GPR39: variants seen among roughly 807,000 people sequenced by gnomAD.
The protein encoded by GPR39 is zinc sensing receptor.
A neutral mutation model predicts 18.4 loss-of-function variants in GPR39; 23 were observed. The observed-to-expected ratio is 1.25, with a 90% CI of 0.90 to 1.77. The LOEUF (loss-of-function observed/expected upper bound fraction) is 1.77, where lower values mean the gene tolerates loss of function less well. GPR39 is among the 40% of genes most tolerant of loss of function. The pLI is 0.00. For synonymous variants in GPR39, 280 were observed against 257.9 expected, an observed-to-expected ratio of 1.09 and a Z score of -0.82; for missense variants, 647 against 602.4, an observed-to-expected ratio of 1.07 and a Z score of -0.78.
intron 1 of GPR39, among the ~76,000 whole-genome samples, chr2:132,447,148 G>C (rs1400467238): frequency 6.6e-6 from 1 of 152,144 alleles, no homozygotes; most frequent in African/African-American, 2.4e-5. Flanking sequence ...CTGTACCTCG[G>C]TCTTCATCCC....
At chr2:132,572,180 G>T (rs906078648) in intron 1 of GPR39, among the ~76,000 whole-genome samples, 1 of 152,124 alleles carries the variant, frequency 6.6e-6, no homozygotes, top group African/African-American at 2.4e-5. Flanking sequence ...TTTCCGTAGG[G>T]GCAGGTGACC....
chr2:132,583,407 T>C (rs1573680861), intron 1 of GPR39, among the ~76,000 whole-genome samples: 1 of 141,708 alleles, frequency 7.1e-6, no homozygotes. Flanking sequence ...GTGCCAAAGC[T>C]GGGCACATTT....
At chr2:132,591,312 C>T (rs913521749) in intron 1 of GPR39, among the ~76,000 whole-genome samples, 4 of 150,746 alleles carry the variant, frequency 2.7e-5, no homozygotes, top group African/African-American at 9.8e-5. Flanking sequence ...AGGACTAGAC[C>T]AGCGGAGTCT....
At chr2:132,590,936 C>A (rs1248269182) in intron 1 of GPR39, among the ~76,000 whole-genome samples, 1 of 151,890 alleles carries the variant, frequency 6.6e-6, no homozygotes. Flanking sequence ...ATCTAATCAG[C>A]TGCCAGCACA....
At chr2:132,637,788 C>A (rs1166386175) in intron 1 of GPR39, among the ~76,000 whole-genome samples, 2 of 152,222 alleles carry the variant, frequency 1.3e-5, no homozygotes, top group African/African-American at 4.8e-5. Flanking sequence ...GCTCCCAATG[C>A]CTCTCTGCCT....
chr2:132,561,587 C>G (rs1226917518), intron 1 of GPR39, among the ~76,000 whole-genome samples: 1 of 87,414 alleles, frequency 1.1e-5, no homozygotes, highest in Non-Finnish European at 2.2e-5. Context: ...TACACACACA[C>G]ACACACACAC....
chr2:132,421,241 C>A (rs1680003440), intron 1 of GPR39, among the ~76,000 whole-genome samples: 1 of 152,182 alleles, frequency 6.6e-6, no homozygotes, highest in Non-Finnish European at 1.5e-5. Flanking sequence ...CAGATAGCAT[C>A]CAGGTCTGTG....
intron 1 of GPR39, among the ~76,000 whole-genome samples, chr2:132,575,394 C>T (rs1558845313): frequency 2.0e-5 from 3 of 152,224 alleles, no homozygotes; most frequent in African/African-American, 7.2e-5. Context: ...ATCCCTCACA[C>T]CTTCTACCTA....
chr2:132,586,044 A>G (rs1680724624), intron 1 of GPR39, among the ~76,000 whole-genome samples: 1 of 141,296 alleles, frequency 7.1e-6, no homozygotes, highest in African/African-American at 2.7e-5. Flanking sequence ...CGTCTGATTC[A>G]CGGCTGCTGC....
chr2:132,536,975 A>T (rs933019131), intron 1 of GPR39, among the ~76,000 whole-genome samples: 2 of 152,038 alleles, frequency 1.3e-5, no homozygotes, highest in African/African-American at 2.4e-5. Flanking sequence ...TGCATGTGAG[A>T]TGGGTCTCCT....
At position 132,645,092 on chromosome 2, in the gene GPR39, T is replaced by C. The variant is rs1382426118; in HGVS notation, c.857-9T>C. The C allele has an allele frequency of 1.2e-6, 2 of 1,603,152 alleles. No homozygotes were observed. Among genetic ancestry groups the C allele is most frequent in the South Asian group, 2.2e-5 (2 of 89,638 alleles). On this transcript the variant is annotated splice_polypyrimidine_tract_variant and intron_variant, in intron 1 of 1. Transcript: ENST00000329321. ...TCTCTGTCTCTCCCTCCTGCTCGTGTCTGCCCAGGGCTGATTGTTGTGACA... is the reference window on the plus strand; with the variant it reads ...TCTCTGTCTCTCCCTCCTGCTCGTGCCTGCCCAGGGCTGATTGTTGTGACA...
At chr2:132,437,987 A>G (rs1680357924) in intron 1 of GPR39, among the ~76,000 whole-genome samples, 1 of 152,166 alleles carries the variant, frequency 6.6e-6, no homozygotes, top group African/African-American at 2.4e-5. Flanking sequence ...TGTTACTAAG[A>G]GGTTAGTATT....
At chr2:132,505,550 C>T (rs1379074528) in intron 1 of GPR39, among the ~76,000 whole-genome samples, 1 of 152,116 alleles carries the variant, frequency 6.6e-6, no homozygotes, top group Non-Finnish European at 1.5e-5. Flanking sequence ...TCCCCTTTAC[C>T]CACCCCACAC....
intron 1 of GPR39, among the ~76,000 whole-genome samples, chr2:132,571,407 T>A (rs1424656834): frequency 6.6e-6 from 1 of 152,178 alleles, no homozygotes; most frequent in Non-Finnish European, 1.5e-5. Context: ...AAAAACTCTG[T>A]AATCCAGGTC....
At chr2:132,438,483 C>T (rs555780083) in intron 1 of GPR39, among the ~76,000 whole-genome samples, 2 of 151,770 alleles carry the variant, frequency 1.3e-5, no homozygotes, top group East Asian at 1.9e-4. Flanking sequence ...TGGCAGACAA[C>T]CACTTGATTC....
chr2:132,482,834 T>C (rs115771238), intron 1 of GPR39, among the ~76,000 whole-genome samples: 346 of 152,342 alleles, frequency 2.3e-3, no homozygotes, highest in African/African-American at 8.0e-3. Flanking sequence ...TGCTTTACCT[T>C]GTATTAATAA....
intron 1 of GPR39, among the ~76,000 whole-genome samples, chr2:132,524,671 A>G (rs1573645867): frequency 6.6e-6 from 1 of 152,160 alleles, no homozygotes; most frequent in African/African-American, 2.4e-5. Flanking sequence ...TTTACAAGAT[A>G]CCCAGAGAAT....
chr2:132,618,330 G>A (rs996718912), intron 1 of GPR39, among the ~76,000 whole-genome samples: 16 of 152,142 alleles, frequency 1.1e-4, no homozygotes, highest in South Asian at 2.1e-4. Flanking sequence ...CAAGTTGTAC[G>A]TTCCCTCTTT....
In GPR39 at chr2:132,645,666, C is replaced by T. The variant is rs929381219; in HGVS notation, c.*60C>T. ...CCTCCAGCCCTAAGAAAACGTCACT[C>T]TCACTCTGCAGTCTCAAACTATGCC... On this transcript the variant is annotated 3_prime_UTR_variant, in exon 2 of 2. Transcript: ENST00000329321. 7 of 1,554,718 alleles carry T rather than the reference C, an allele frequency of 4.5e-6. No individual in the cohort carries two copies. The highest frequency in any genetic ancestry group is 2.2e-5 in the East Asian group (1 of 44,518).
Sources: gnomAD v4.1 joint callset for allele counts (sites outside exome capture counted in the v4.1 genomes callset) on GRCh38, gnomAD v4.1.1 for gene constraint, MANE v1.5 for transcripts, NCBI Gene and HGNC (gene_info 2026-07-23, HGNC 2026-07-21) for gene names.